ZNF10: variants seen among roughly 807,000 people sequenced by gnomAD.
The protein encoded by ZNF10 is zinc finger protein 10 (KOX 1).
Under a neutral mutation model 12.2 loss-of-function variants are expected in ZNF10, and 8 were observed. The observed-to-expected ratio is 0.66, with a 90% CI of 0.39 to 1.18. The LOEUF (loss-of-function observed/expected upper bound fraction) is 1.18, where lower values mean the gene tolerates loss of function less well. Ranked by LOEUF, ZNF10 falls within the 50% of genes most tolerant of loss-of-function variation. The pLI, the probability that ZNF10 is intolerant of heterozygous loss-of-function variation, is 0.01. For synonymous variants in ZNF10, 229 were observed against 228.2 expected, an observed-to-expected ratio of 1.00 and a Z score of -0.03; for missense variants, 603 against 678.9, an observed-to-expected ratio of 0.89 and a Z score of 1.24.
intron 2 of ZNF10, among the ~76,000 whole-genome samples, chr12:133,149,352 CTTTTT>C (rs144304054): frequency 1.2e-5 from 1 of 85,804 alleles, no homozygotes; most frequent in African/African-American, 4.9e-5. Context: ...TTTGCTATTG[CTTTTT>C]TTTTTTTTTT....
chr12:133,159,460 CCAAAA>C (rs1343744899), exon 5 of ZNF10: 1 of 151,972 alleles, frequency 6.6e-6, no homozygotes, highest in African/African-American at 2.4e-5. Context: ...TGAGTGTTGC[CCAAAA>C]CTAAGGAGAT....
At chr12:133,137,915 C>T (rs1955921658) in intron 1 of ZNF10, among the ~76,000 whole-genome samples, 1 of 152,092 alleles carries the variant, frequency 6.6e-6, no homozygotes, top group Non-Finnish European at 1.5e-5. Context: ...TTTGGCCAGT[C>T]ACATAAAAGG....
At position 133,156,195 on chromosome 12, in the gene ZNF10, G is replaced by A. The variant is rs1200589308; in HGVS notation, c.949G>A (p.Gly317Ser). The stretch of plus-strand genomic sequence containing the variant: ...CATTGGACATCAAAAGACCCATACT[G>A]GTGAGGAACCCTATGAATGTAAAGA... ...HLIGHQKTHT[G>S]EEPYECKECG... The change falls in exon 5 of 5, where the codon GGT becomes AGT. Residue 317 changes from glycine to serine, a missense_variant. Transcript: ENST00000248211. 1.9e-6 allele frequency: 3 copies of A among 1,613,744 alleles called. No homozygotes were observed. In the African/African-American group the frequency reaches 4.0e-5, roughly 22 times the overall value.
Position 133,155,818 on chromosome 12 carries a change from A to T in ZNF10, c.572A>T (p.His191Leu). The T allele has an allele frequency of 6.2e-7, 1 of 1,613,858 alleles. No individual in the cohort carries two copies. Among genetic ancestry groups the T allele is most frequent in the Non-Finnish European group, 8.5e-7 (1 of 1,179,898 alleles). The change falls in exon 5 of 5, where the codon CAT (histidine) becomes CTT (leucine). Residue 191 changes from histidine (H) to leucine (L), a missense_variant. Physicochemically the swap from His to Leu is moderately conservative, Grantham distance 99. Around this residue, in one of 3 missense-constraint regions of ZNF10, gnomAD observed 393 missense variants for 399.7 expected, o/e 0.98. Coordinates refer to ENST00000248211, the MANE Select transcript of ZNF10 (RefSeq NM_015394.5). ...LREYFHKRDS[H>L]TKSLKHDLVL... The stretch of plus-strand genomic sequence containing the variant: ...GAGTATTTCCATAAACGTGACTCAC[A>T]TACTAAAAGTTTAAAACATGATTTA...
intron 1 of ZNF10, among the ~76,000 whole-genome samples, chr12:133,141,320 T>C (rs1367165747): frequency 6.6e-6 from 1 of 152,204 alleles, no homozygotes; most frequent in Non-Finnish European, 1.5e-5. Flanking sequence ...TCACAGTATC[T>C]GGCATCCAAT....
chr12:133,157,812 T>G lies in ZNF10; in HGVS notation c.*844T>G, dbSNP rs1956051742. 6.6e-6 allele frequency: 1 copy of G among 152,172 alleles called. No individual in the cohort carries two copies. The highest frequency in any genetic ancestry group is 2.1e-4 in the South Asian group (1 of 4,824). 9.4% of individuals were successfully genotyped at this position (152,172 alleles called of 1,614,324 possible). A position where few individuals can be genotyped will look rare whatever the true frequency, so the allele number is the denominator to read the frequency against. ...AGAGTTCCACTTTTTCCACTCTTAT[T>G]AGCACTGCAAAAGCTCCTGAGAATT... On this transcript the variant is annotated 3_prime_UTR_variant, in exon 5 of 5. Transcript: ENST00000248211.
chr12:133,134,653 C>T (rs1316562002), intron 1 of ZNF10, among the ~76,000 whole-genome samples: 1 of 152,134 alleles, frequency 6.6e-6, no homozygotes, highest in Non-Finnish European at 1.5e-5. Flanking sequence ...GCCCTCTGTC[C>T]TTAAGAGTTT....
At chr12:133,138,069 C>T (rs1397299326) in intron 1 of ZNF10, among the ~76,000 whole-genome samples, 3 of 151,846 alleles carry the variant, frequency 2.0e-5, no homozygotes, top group Admixed American at 6.6e-5. Context: ...TCCTTAATCC[C>T]TTCTCAGATA....
chr12:133,152,604 T>G (rs749086238), intron 4 of ZNF10, among the ~76,000 whole-genome samples: 14 of 152,134 alleles, frequency 9.2e-5, no homozygotes, highest in Admixed American at 2.6e-4. Context: ...TTAGGAGAGA[T>G]AGGGTTTTAC....
chr12:133,140,691 AT>A (rs959819888), intron 1 of ZNF10, among the ~76,000 whole-genome samples: 1 of 152,168 alleles, frequency 6.6e-6, no homozygotes, highest in African/African-American at 2.4e-5. Context: ...TTAAATTTAG[AT>A]TTTTTTAATT....
intron 2 of ZNF10, among the ~76,000 whole-genome samples, chr12:133,146,583 T>G (rs914525373): frequency 1.3e-5 from 2 of 152,182 alleles, no homozygotes; most frequent in African/African-American, 4.8e-5. Flanking sequence ...CTGTGGCTCA[T>G]GCCTGTAATC....
Position 133,156,376 on chromosome 12 carries a change from A to G in ZNF10, c.1130A>G (p.Tyr377Cys), listed in dbSNP as rs936008478. The G allele has an allele frequency of 1.9e-6, 3 of 1,614,116 alleles. No individual in the cohort carries two copies. The highest frequency in any genetic ancestry group is 2.5e-6 in the Non-Finnish European group (3 of 1,180,014). The change falls in exon 5 of 5, where the codon TAT (tyrosine) becomes TGT (cysteine). Residue 377 changes from tyrosine (Y) to cysteine (C), a missense_variant. By Grantham distance (194) the Tyr-to-Cys change is radical. Transcript: ENST00000248211. ...HQRTHTGEKP[Y>C]ECPECGKSFR... ...AGGACACATACTGGAGAGAAACCCT[A>G]TGAATGTCCTGAATGTGGGAAATCT...
chr12:133,149,376 T>A lies in ZNF10; in HGVS notation c.34-1652T>A, dbSNP rs1204573399. On this transcript the variant is annotated intron_variant, in intron 2 of 4. Transcript: ENST00000248211. ...GCTTTTTTTTTTTTTTTTTTTTTTT[T>A]AGACAGGTTCTCACTCTGTTGCACA... 7.9e-4 allele frequency among the ~76,000 whole-genome samples: 113 copies of A among 143,868 alleles called. 3 individuals carry two copies. Among genetic ancestry groups the A allele is most frequent in the South Asian group, 5.4e-3 (25 of 4,616 alleles). 94.4% of individuals were successfully genotyped at this position (143,868 alleles called of 152,430 possible).
chr12:133,153,024 A>G (rs2135464422), intron 4 of ZNF10, among the ~76,000 whole-genome samples: 1 of 152,168 alleles, frequency 6.6e-6, no homozygotes, highest in South Asian at 2.1e-4. Context: ...GGACCATGGG[A>G]GGAAATATTG....
At position 133,155,734 on chromosome 12, in the gene ZNF10, T is replaced by G. The variant is rs747725714; in HGVS notation, c.488T>G (p.Val163Gly). 1 of 1,611,872 alleles carries G rather than the reference T, an allele frequency of 6.2e-7. No homozygotes were observed. The highest frequency in any genetic ancestry group is 1.3e-5 in the African/African-American group (1 of 74,758). ...TQKKVLTQER[V>G]SESGKYGGNC... ...AAGAAAGTACTTACTCAGGAGAGAG[T>G]CTCTGAAAGTGGTAAATATGGGGGA... The change falls in exon 5 of 5, where the codon GTC becomes GGC. Residue 163 changes from valine to glycine, a missense_variant. Coordinates refer to ENST00000248211, the MANE Select transcript of ZNF10 (RefSeq NM_015394.5).
chr12:133,144,693 T>G (rs1014119625), intron 2 of ZNF10, among the ~76,000 whole-genome samples, 168 bp downstream of exon 2: 28 of 152,224 alleles, frequency 1.8e-4, no homozygotes, highest in African/African-American at 6.5e-4. Context: ...GGCTTTGGTC[T>G]TTCCCTCTCT....
At chr12:133,141,419 ATAT>A (rs1252921922) in intron 1 of ZNF10, among the ~76,000 whole-genome samples, 1 of 152,210 alleles carries the variant, frequency 6.6e-6, no homozygotes, top group South Asian at 2.1e-4. Flanking sequence ...CTTAACATAG[ATAT>A]TATTATTAGC....
intron 1 of ZNF10, among the ~76,000 whole-genome samples, chr12:133,136,369 C>T (rs1342778829): frequency 1.3e-5 from 2 of 152,120 alleles, no homozygotes; most frequent in African/African-American, 4.8e-5. Flanking sequence ...AAACTGATCT[C>T]CTCAAATTAT....
intron 1 of ZNF10, 78 bp from the exon 2 acceptor site, chr12:133,144,356 A>G (rs1955963498): frequency 6.7e-6 from 5 of 745,498 alleles, no homozygotes; most frequent in Non-Finnish European, 8.8e-6. Context: ...CCCAGCTGGT[A>G]TGAAGAAGTT....
Sources: allele counts gnomAD v4.1 joint callset (sites outside exome capture counted in the v4.1 genomes callset), GRCh38; gene constraint gnomAD v4.1.1; regional missense constraint gnomAD v4.1.1; transcripts MANE v1.5; gene names NCBI Gene and HGNC (gene_info 2026-07-23, HGNC 2026-07-21).